Variants in GRM5 observed in about 807,000 individuals in gnomAD.
GRM5 encodes the protein glutamate metabotropic receptor 5.
Under a neutral mutation model 83.1 loss-of-function variants are expected in GRM5, and 19 were observed. That is an observed-to-expected ratio of 0.23 (90% CI 0.16 to 0.34). The LOEUF is 0.34. Ranked by LOEUF, GRM5 falls within the 10% of genes least tolerant of loss-of-function variation. The pLI, the probability that GRM5 is intolerant of heterozygous loss-of-function variation, is 1.00. For missense variants in GRM5, 1,160 were observed against 1,588.3 expected (o/e 0.73, Z 4.58); for synonymous variants, 675 against 633.6 (o/e 1.07, Z -0.98).
intron 2 of GRM5, among the ~76,000 whole-genome samples, chr11:89,045,683 C>A (rs1366800245): frequency 3.3e-5 from 5 of 152,068 alleles, no homozygotes; most frequent in Admixed American, 2.6e-4. Flanking sequence ...TCACTTGGGG[C>A]ACAATTGAAT....
At chr11:88,966,409 A>T (rs1161740539) in intron 2 of GRM5, among the ~76,000 whole-genome samples, 1 of 152,084 alleles carries the variant, frequency 6.6e-6, no homozygotes, top group Non-Finnish European at 1.5e-5. Flanking sequence ...CAGTTTAAAA[A>T]AAAGCTGTGT....
At chr11:88,594,235 A>C (rs1937736571) in intron 6 of GRM5, among the ~76,000 whole-genome samples, 2 of 152,260 alleles carry the variant, frequency 1.3e-5, no homozygotes, top group Non-Finnish European at 2.9e-5. Context: ...AATTCATGTA[A>C]ATAATTGTAC....
intron 4 of GRM5, among the ~76,000 whole-genome samples, chr11:88,641,667 C>T (rs772067993): frequency 6.6e-5 from 10 of 152,172 alleles, no homozygotes; most frequent in Non-Finnish European, 1.0e-4. Context: ...CTACAGGACC[C>T]ATTCAAGTTT....
At position 88,590,613 on chromosome 11, in the gene GRM5, C is replaced by T. The variant is rs1937621919; in HGVS notation, c.1678G>A (p.Asp560Asn). Reference sequence around the variant, plus strand: ...TGTGATAGATTACCTGTGAGATCATCAGTGGGCCAAGACCCCAGTTGGCAT... The same window carrying T: ...TGTGATAGATTACCTGTGAGATCATTAGTGGGCCAAGACCCCAGTTGGCAT... Reference protein sequence around the residue: ...KACQLGSWPTDDLTGCDLIPV... With the variant: ...KACQLGSWPTNDLTGCDLIPV... The change falls in exon 7 of 10, where the codon GAT becomes AAT. Residue 560 changes from aspartate (D) to asparagine (N), a missense_variant. By Grantham distance (23) the Asp-to-Asn change is conservative. Coordinates refer to ENST00000305447, the MANE Select transcript of GRM5 (RefSeq NM_001143831.3). 6.2e-7 allele frequency: 1 copy of T among 1,611,786 alleles called. No homozygotes were observed. Among genetic ancestry groups the T allele is most frequent in the Non-Finnish European group, 8.5e-7 (1 of 1,177,956 alleles).
At chr11:88,712,358 G>A (rs72962524) in intron 3 of GRM5, among the ~76,000 whole-genome samples, 7,206 of 152,084 alleles carry the variant, frequency 0.047, 248 homozygotes, top group Non-Finnish European at 0.079. Context: ...GCATGTTAGA[G>A]CCAACATTCT....
intron 8 of GRM5, among the ~76,000 whole-genome samples, chr11:88,559,925 C>T (rs1473811874): frequency 3.3e-5 from 5 of 152,084 alleles, no homozygotes; most frequent in Non-Finnish European, 5.9e-5. Context: ...GAACTTAATG[C>T]AGTCTCAGAG....
intron 3 of GRM5, among the ~76,000 whole-genome samples, chr11:88,686,139 G>A (rs1327690547): frequency 6.6e-6 from 1 of 152,170 alleles, no homozygotes; most frequent in Non-Finnish European, 1.5e-5. Flanking sequence ...AAAGCAACAG[G>A]GGTGGAGCTG....
intron 3 of GRM5, among the ~76,000 whole-genome samples, chr11:88,678,603 A>T (rs1430925406): frequency 6.6e-6 from 1 of 152,118 alleles, no homozygotes; most frequent in African/African-American, 2.4e-5. Flanking sequence ...TCAGGTACAA[A>T]ATACCCACTG....
Position 88,509,190 on chromosome 11 carries a change from G to T in GRM5, c.3041C>A (p.Ala1014Glu), listed in dbSNP as rs759683446. ...AEAEEHFPAP[A>E]RPRSPSPIST... ...GATGGGCGACGGTGAGCGCGGCCGC[G>T]CGGGCGCCGGGAAGTGCTCCTCAGC... The change falls in exon 10 of 10, where the codon GCG (alanine) becomes GAG (glutamate). Residue 1014 changes from alanine (A) to glutamate (E), a missense_variant. Ala to Glu is a moderately radical substitution (Grantham distance 107). This residue lies in a region of GRM5 where 562 missense variants were observed against 532.4 expected (regional missense o/e 1.06). Coordinates refer to ENST00000305447, the MANE Select transcript of GRM5 (RefSeq NM_001143831.3). The T allele has an allele frequency of 9.8e-6, 15 of 1,533,988 alleles. No individual in the cohort carries two copies. The highest frequency in any genetic ancestry group is 1.7e-6 in the Non-Finnish European group (2 of 1,142,920).
chr11:88,845,680 G>A lies in GRM5; in HGVS notation c.911+4226C>T, dbSNP rs369643462. On this transcript the variant is annotated intron_variant, in intron 3 of 9. Transcript: ENST00000305447. ...GATCTCCTGACTTCATGATCCACCC[G>A]CCTCTGCCTCCCAAAGTGCTGGGAT... Among the ~76,000 whole-genome samples the A allele has an allele frequency of 3.6e-4, 54 of 151,210 alleles. 3 individuals are homozygous for A. The highest frequency in any genetic ancestry group is 1.2e-3 in the African/African-American group (47 of 40,822).
At position 88,637,671 on chromosome 11, in the gene GRM5, A is replaced by T. The variant is rs923755416; in HGVS notation, c.1147+15497T>A. Among the ~76,000 whole-genome samples the T allele has an allele frequency of 3.4e-5, 5 of 147,184 alleles. No homozygotes were observed. The South Asian group carries it at 7.0e-4, about 21-fold the overall frequency. ...CAGGAAACAACAGGTGCTGGAGAGG[A>T]TGTGGAGAAACAGGAACACTTTTAC... On this transcript the variant is annotated intron_variant, in intron 4 of 9. Transcript: ENST00000305447.
intron 3 of GRM5, among the ~76,000 whole-genome samples, chr11:88,829,239 T>A (rs1165805813): frequency 6.6e-6 from 1 of 152,204 alleles, no homozygotes; most frequent in Non-Finnish European, 1.5e-5. Context: ...GGCAGGCAGA[T>A]CATTTGAGGC....
At chr11:89,061,792 C>A (rs1218789915) in intron 1 of GRM5, among the ~76,000 whole-genome samples, 1 of 152,204 alleles carries the variant, frequency 6.6e-6, no homozygotes, top group Non-Finnish European at 1.5e-5. Context: ...CTCGACACAT[C>A]CTTTCATAAG....
chr11:88,535,930 G>A (rs994602728), intron 8 of GRM5, among the ~76,000 whole-genome samples: 6 of 152,026 alleles, frequency 3.9e-5, no homozygotes, highest in Non-Finnish European at 7.4e-5. Context: ...AGATTTGTAA[G>A]GAGCAAAAAA....
At chr11:88,834,141 A>G (rs1187721677) in intron 3 of GRM5, among the ~76,000 whole-genome samples, 1 of 152,214 alleles carries the variant, frequency 6.6e-6, no homozygotes, top group African/African-American at 2.4e-5. Context: ...CATAGAAATG[A>G]TAAATACGTG....
intron 9 of GRM5, among the ~76,000 whole-genome samples, chr11:88,510,140 A>G (rs985523320): frequency 1.6e-4 from 25 of 152,242 alleles, no homozygotes; most frequent in African/African-American, 5.5e-4. Flanking sequence ...TAATGAACAC[A>G]CATTTCTAAT....
At chr11:88,633,410 G>A (rs1939034107) in intron 4 of GRM5, among the ~76,000 whole-genome samples, 2 of 152,078 alleles carry the variant, frequency 1.3e-5, no homozygotes, top group African/African-American at 4.8e-5. Flanking sequence ...TTGCTGTCGC[G>A]TATAAGAAAC....
chr11:88,553,911 C>A (rs1379915320), intron 8 of GRM5, among the ~76,000 whole-genome samples: 3 of 152,118 alleles, frequency 2.0e-5, no homozygotes, highest in African/African-American at 7.2e-5. Context: ...CTCCTTTTGC[C>A]TAATCCAAGA....
chr11:88,958,300 T>G (rs520270), intron 2 of GRM5, among the ~76,000 whole-genome samples: 1 of 150,258 alleles, frequency 6.7e-6, no homozygotes, highest in African/African-American at 2.4e-5. Flanking sequence ...TAATATAGTA[T>G]CCTGTTCACC....
Sources: gnomAD v4.1 joint callset for allele counts (sites outside exome capture counted in the v4.1 genomes callset) on GRCh38, gnomAD v4.1.1 for gene constraint, gnomAD v4.1.1 regional missense constraint, MANE v1.5 for transcripts, NCBI Gene and HGNC (gene_info 2026-07-23, HGNC 2026-07-21) for gene names.